Variants in GALNTL6 observed in about 807,000 individuals in gnomAD.
The protein encoded by GALNTL6 is polypeptide N-acetylgalactosaminyltransferase like 6.
In GALNTL6, 46 loss-of-function variants were observed where a neutral mutation model predicts 73.7. The ratio of observed to expected loss-of-function variants is 0.62; its 90% CI spans 0.49 to 0.80. GALNTL6 has a LOEUF of 0.80. Ranked by LOEUF, GALNTL6 falls within the 30% of genes least tolerant of loss-of-function variation. GALNTL6 has a pLI of 0.00. For synonymous variants in GALNTL6, 259 were observed against 263.7 expected (o/e 0.98, Z 0.17); for missense variants, 604 against 755.0 (o/e 0.80, Z 2.34).
At chr4:172,638,091 C>T (rs1425012003) in intron 5 of GALNTL6, among the ~76,000 whole-genome samples, 1 of 152,118 alleles carries the variant, frequency 6.6e-6, no homozygotes, top group African/African-American at 2.4e-5. Context: ...CTCCCATAGT[C>T]ATTGTTGCAA....
At chr4:172,738,602 A>G (rs60961647) in intron 5 of GALNTL6, among the ~76,000 whole-genome samples, 54,345 of 151,892 alleles carry the variant, frequency 0.36, 10,723 homozygotes, top group African/African-American at 0.52. Flanking sequence ...AAAACGTGTC[A>G]ATGAAAAAAG....
chr4:172,261,887 TATAATCTGCTGTTATGTTACC>T (rs1029862446), intron 3 of GALNTL6, among the ~76,000 whole-genome samples: 3 of 151,450 alleles, frequency 2.0e-5, no homozygotes, highest in Admixed American at 1.3e-4. Context: ...ATTATTTATG[TATAATCTGCTGTTATGTTACC>T]ATAACCTGCT....
At chr4:171,985,355 A>G (rs1374592178) in intron 2 of GALNTL6, among the ~76,000 whole-genome samples, 1 of 152,178 alleles carries the variant, frequency 6.6e-6, no homozygotes, top group Non-Finnish European at 1.5e-5. Flanking sequence ...ATCTCATGAG[A>G]CTTACTCAGC....
At chr4:171,919,214 T>C (rs1203868561) in intron 2 of GALNTL6, among the ~76,000 whole-genome samples, 1 of 152,138 alleles carries the variant, frequency 6.6e-6, no homozygotes, top group Non-Finnish European at 1.5e-5. Flanking sequence ...TTTCATTCTG[T>C]TTGGTTTTAT....
intron 5 of GALNTL6, among the ~76,000 whole-genome samples, chr4:172,384,175 A>G (rs2111288892): frequency 6.6e-6 from 1 of 152,286 alleles, no homozygotes; most frequent in South Asian, 2.1e-4. Context: ...AAAAACTGGT[A>G]TTAATTAAAT....
At chr4:172,070,522 A>G (rs1731512291) in intron 2 of GALNTL6, among the ~76,000 whole-genome samples, 1 of 109,282 alleles carries the variant, frequency 9.2e-6, no homozygotes, top group Non-Finnish European at 2.0e-5. Context: ...AGTTTGTTAT[A>G]TAAGCCAGCT....
At chr4:172,099,806 A>G (rs768061443) in intron 2 of GALNTL6, among the ~76,000 whole-genome samples, 1 of 152,166 alleles carries the variant, frequency 6.6e-6, no homozygotes, top group African/African-American at 2.4e-5. Context: ...ACTTAAATAT[A>G]AGAAGTTTCA....
chr4:172,357,644 C>T lies in GALNTL6; in HGVS notation c.553+8955C>T, dbSNP rs1228558984. Among the ~76,000 whole-genome samples the T allele has an allele frequency of 0.014, 478 of 33,984 alleles. 3 individuals are homozygous for T. The East Asian group carries it at 0.16, about 11-fold the overall frequency. 22.3% of individuals were successfully genotyped at this position (33,984 alleles called of 152,430 possible). On this transcript the variant is annotated intron_variant, in intron 5 of 12. Transcript: ENST00000506823. Reference sequence around the variant, plus strand: ...ATATATATAGATATATACACACACACACACACACACACACACACACACACG... The same window carrying T: ...ATATATATAGATATATACACACACATACACACACACACACACACACACACG...
intron 2 of GALNTL6, among the ~76,000 whole-genome samples, chr4:172,140,837 T>A (rs1560939323): frequency 1.3e-5 from 2 of 152,004 alleles, no homozygotes; most frequent in Non-Finnish European, 2.9e-5. Flanking sequence ...ATTTGTTTGT[T>A]TTCTATCAAG....
chr4:172,438,752 C>T (rs543439488), intron 5 of GALNTL6, among the ~76,000 whole-genome samples: 4 of 151,948 alleles, frequency 2.6e-5, no homozygotes, highest in African/African-American at 9.6e-5. Context: ...AATTAGGCCA[C>T]CACTCTTTCC....
At chr4:172,632,597 G>A (rs902773175) in intron 5 of GALNTL6, among the ~76,000 whole-genome samples, 20 of 151,656 alleles carry the variant, frequency 1.3e-4, no homozygotes, top group African/African-American at 4.8e-4. Flanking sequence ...ATAAAAATCT[G>A]ACTATGCAAT....
At chr4:172,877,491 T>A (rs1213917230) in intron 7 of GALNTL6, among the ~76,000 whole-genome samples, 1 of 152,002 alleles carries the variant, frequency 6.6e-6, no homozygotes, top group Non-Finnish European at 1.5e-5. Context: ...AATGAAAACA[T>A]AAAGAATGTT....
chr4:172,222,412 A>G (rs1404853814), intron 2 of GALNTL6, among the ~76,000 whole-genome samples: 1 of 152,006 alleles, frequency 6.6e-6, no homozygotes, highest in East Asian at 1.9e-4. Flanking sequence ...ATAAGGAAAT[A>G]TGTATAATAA....
chr4:172,375,319 TC>T (rs1393980099), intron 5 of GALNTL6, among the ~76,000 whole-genome samples: 4 of 152,074 alleles, frequency 2.6e-5, no homozygotes, highest in African/African-American at 7.2e-5. Flanking sequence ...TGGCCATTTT[TC>T]CCCATCAGAG....
chr4:171,847,573 C>A (rs1301035009), intron 2 of GALNTL6, among the ~76,000 whole-genome samples: 6 of 152,066 alleles, frequency 3.9e-5, no homozygotes, highest in African/African-American at 1.2e-4. Context: ...AGTAAAACTT[C>A]TTTCAAAGAG....
chr4:171,928,082 T>C (rs1395835389), intron 2 of GALNTL6, among the ~76,000 whole-genome samples: 1 of 152,208 alleles, frequency 6.6e-6, no homozygotes, highest in Non-Finnish European at 1.5e-5. Context: ...GAATCTACTC[T>C]TAAGTGCCAT....
At chr4:172,271,098 A>G (rs546065261) in intron 3 of GALNTL6, among the ~76,000 whole-genome samples, 3 of 152,278 alleles carry the variant, frequency 2.0e-5, no homozygotes, top group East Asian at 3.9e-4. Context: ...GTGCTTTTCA[A>G]TTCTAACTCT....
At chr4:172,057,726 A>AT (rs1731068905) in intron 2 of GALNTL6, among the ~76,000 whole-genome samples, 1 of 72,764 alleles carries the variant, frequency 1.4e-5, no homozygotes, top group African/African-American at 5.1e-5. Context: ...AAAAAAAAAA[A>AT]AATATATATA....
intron 10 of GALNTL6, among the ~76,000 whole-genome samples, chr4:172,955,946 C>T (rs1176498192): frequency 6.6e-6 from 1 of 152,040 alleles, no homozygotes; most frequent in African/African-American, 2.4e-5. Flanking sequence ...AGGAACAGGC[C>T]ATTTTCACTT....
Sources: gnomAD v4.1 joint callset for allele counts (sites outside exome capture counted in the v4.1 genomes callset) on GRCh38, gnomAD v4.1.1 for gene constraint, MANE v1.5 for transcripts, NCBI Gene and HGNC (gene_info 2026-07-23, HGNC 2026-07-21) for gene names.